ANKRD46: variants seen among roughly 807,000 people sequenced by gnomAD.
The protein encoded by ANKRD46 is ankyrin repeat domain 46.
Under a neutral mutation model 19.8 loss-of-function variants are expected in ANKRD46, and 13 were observed. That is an observed-to-expected ratio of 0.66 (90% CI 0.43 to 1.04). The LOEUF is 1.04. ANKRD46 is among the 50% of genes least tolerant of loss of function. The pLI, the probability that ANKRD46 is intolerant of heterozygous loss-of-function variation, is 0.00. For missense variants in ANKRD46, 185 were observed against 274.8 expected, an observed-to-expected ratio of 0.67 and a Z score of 2.31; for synonymous variants, 91 against 106.9, an observed-to-expected ratio of 0.85 and a Z score of 0.92.
intron 5 of ANKRD46, among the ~76,000 whole-genome samples, chr8:100,514,899 C>T (rs1811604164): frequency 6.6e-6 from 1 of 152,138 alleles, no homozygotes; most frequent in African/African-American, 2.4e-5. Flanking sequence ...CTTGGCCTCC[C>T]AAAGTGCTGG....
At chr8:100,551,236 G>T in intron 1 of ANKRD46, 1 of 466,704 alleles carries the variant, frequency 2.1e-6, no homozygotes, top group Non-Finnish European at 4.0e-6. Context: ...GATGGGCTTG[G>T]CCGGGGGATT....
Position 100,527,789 on chromosome 8 carries a change from C to T in ANKRD46, c.470+56G>A, listed in dbSNP as rs1811870658. 6.5e-7 allele frequency: 1 copy of T among 1,529,458 alleles called. No homozygotes were observed. The highest frequency in any genetic ancestry group is 8.8e-7 in the Non-Finnish European group (1 of 1,134,996). 94.7% of individuals were successfully genotyped at this position (1,529,458 alleles called of 1,614,324 possible). On this transcript the variant is annotated intron_variant, in intron 4 of 4. Coordinates refer to ENST00000335659, the MANE Select transcript of ANKRD46 (RefSeq NM_001270377.2). This position sits in a 1 kb window ranked among gnomAD's most constrained non-coding sequence, Gnocchi z 4.0. The stretch of plus-strand genomic sequence containing the variant: ...CTGAGGCAGGAAGAATGCTTGAGCC[C>T]AGGAGTTCAAGGAATGAGTAATACA...
intron 5 of ANKRD46, among the ~76,000 whole-genome samples, chr8:100,515,663 G>GC (rs1463474075): frequency 1.3e-5 from 2 of 149,400 alleles, no homozygotes; most frequent in African/African-American, 2.5e-5. Context: ...TGCGGGGGAG[G>GC]GGGGGGGCGG....
At chr8:100,523,194 T>C (rs1026132939) in intron 4 of ANKRD46, among the ~76,000 whole-genome samples, 1 of 151,724 alleles carries the variant, frequency 6.6e-6, no homozygotes, top group Non-Finnish European at 1.5e-5. Context: ...AGCAGAAGTC[T>C]TGAAATAGGT....
rs1586781829 is a variant in ANKRD46, at chr8:100,524,650, A to G, written c.471-1879T>C. On this transcript the variant is annotated intron_variant, in intron 4 of 4. Coordinates refer to ENST00000335659, the MANE Select transcript of ANKRD46 (RefSeq NM_001270377.2). The surrounding 1 kb of genome is among the most constrained non-coding windows in gnomAD (Gnocchi z 4.3). ...GAACTTTGAGAAGGCCTAAAAGAGT[A>G]AAACCACAAATAGATAACACAGTTC... 6.6e-6 allele frequency among the ~76,000 whole-genome samples: 1 copy of G among 152,230 alleles called. No individual in the cohort carries two copies. The highest frequency in any genetic ancestry group is 1.5e-5 in the Non-Finnish European group (1 of 68,032).
rs1811724492 is a variant in ANKRD46, at chr8:100,521,579, A to C, written c.*976T>G. On this transcript the variant is annotated 3_prime_UTR_variant, in exon 5 of 5. Transcript: ENST00000335659. ...ATGCTCCATCCATTCTTGCCATCAG[A>C]GAATTACAGATATGGATGGGATTGT... 1 of 985,342 alleles carries C rather than the reference A, an allele frequency of 1.0e-6. No individual in the cohort carries two copies. The allele number at this position is 985,342 out of a possible 1,614,324, so 61.0% of individuals were successfully genotyped here.
In ANKRD46 at chr8:100,554,224, C is replaced by T. The variant is rs16898579; in HGVS notation, c.-131+5487G>A. On this transcript the variant is annotated intron_variant, in intron 1 of 4. Coordinates refer to ENST00000335659, the MANE Select transcript of ANKRD46 (RefSeq NM_001270377.2). The stretch of plus-strand genomic sequence containing the variant: ...TCTAATAATGTACTGGCAAGTCAGA[C>T]GTTAAATTATTTAAGGTTTCTAAAC... 1.7e-3 allele frequency among the ~76,000 whole-genome samples: 261 copies of T among 152,136 alleles called. 2 individuals carry two copies. Among genetic ancestry groups the T allele is most frequent in the African/African-American group, 5.5e-3 (227 of 41,496 alleles).
intron 1 of ANKRD46, among the ~76,000 whole-genome samples, chr8:100,542,882 AG>A: frequency 6.6e-6 from 1 of 152,236 alleles, no homozygotes; most frequent in East Asian, 1.9e-4. Context: ...CCTTCAGCAG[AG>A]TAATTTCAAG....
In ANKRD46 at chr8:100,550,847, AGAGT is replaced by A. The variant is rs1812372102; in HGVS notation, c.-131+8860_-131+8863del. 1 of 479,444 alleles carries A rather than the reference AGAGT, an allele frequency of 2.1e-6. No homozygotes were observed. Among genetic ancestry groups the A allele is most frequent in the African/African-American group, 2.0e-5 (1 of 50,730 alleles). 29.7% of individuals were successfully genotyped at this position (479,444 alleles called of 1,614,324 possible). On this transcript the variant is annotated intron_variant, in intron 1 of 4. Coordinates refer to ENST00000335659, the MANE Select transcript of ANKRD46 (RefSeq NM_001270377.2). This position sits in a 1 kb window ranked among gnomAD's most constrained non-coding sequence, Gnocchi z 4.4. Reference sequence around the variant, plus strand: ...TGGCAGCCCCAGCATCGAAAGTGGAAGAGTGAGTGTCACTGTTAAAGTCAGAGGA... The same window carrying A: ...TGGCAGCCCCAGCATCGAAAGTGGAAGAGTGTCACTGTTAAAGTCAGAGGA...
At position 100,546,228 on chromosome 8, in the gene ANKRD46, G is replaced by A. The variant is rs569039567; in HGVS notation, c.-130-12917C>T. On this transcript the variant is annotated intron_variant, in intron 1 of 4. Coordinates refer to ENST00000335659, the MANE Select transcript of ANKRD46 (RefSeq NM_001270377.2). The surrounding 1 kb of genome is among the most constrained non-coding windows in gnomAD (Gnocchi z 4.0). ...GGAAAAATTTCCCCAAGGCATGTCA[G>A]AGATCTTCATGGCAGCCCCTCCCAT... Among the ~76,000 whole-genome samples the A allele has an allele frequency of 6.6e-6, 1 of 152,366 alleles. No homozygotes were observed. Among genetic ancestry groups the A allele is most frequent in the Non-Finnish European group, 1.5e-5 (1 of 68,032 alleles).
chr8:100,546,726 A>G lies in ANKRD46; in HGVS notation c.-131+12985T>C, dbSNP rs947973706. Among the ~76,000 whole-genome samples, 2 of 152,236 alleles carry G rather than the reference A, an allele frequency of 1.3e-5. No homozygotes were observed. Among genetic ancestry groups the G allele is most frequent in the Non-Finnish European group, 2.9e-5 (2 of 68,038 alleles). On this transcript the variant is annotated intron_variant, in intron 1 of 4. Coordinates refer to ENST00000335659, the MANE Select transcript of ANKRD46 (RefSeq NM_001270377.2). This position sits in a 1 kb window ranked among gnomAD's most constrained non-coding sequence, Gnocchi z 4.0. ...AGTAGATCCACTGACAGCTTGCACC[A>G]TGCATCTGGAAAAGCCACAAGCATT...
Position 100,510,658 on chromosome 8 carries a change from C to G in ANKRD46, c.637-19G>C. 1 of 1,482,508 alleles carries G rather than the reference C, an allele frequency of 6.7e-7. No homozygotes were observed. The highest frequency in any genetic ancestry group is 1.3e-5 in the South Asian group (1 of 77,318). The allele number at this position is 1,482,508 out of a possible 1,614,324, so 91.8% of individuals were successfully genotyped here. Reference sequence around the variant, plus strand: ...TCCTTCTCTGTAAATGTGGGGAAGACAGATTAAAAAAAAAAAAAAATCCCA... The same window carrying G: ...TCCTTCTCTGTAAATGTGGGGAAGAGAGATTAAAAAAAAAAAAAAATCCCA... On this transcript the variant is annotated intron_variant, in intron 5 of 5. Coordinates refer to the ANKRD46 transcript ENST00000520552. The surrounding 1 kb of genome is among the most constrained non-coding windows in gnomAD (Gnocchi z 4.9).
At position 100,536,765 on chromosome 8, in the gene ANKRD46, A is replaced by G. The variant is rs1279253642; in HGVS notation, c.-130-3454T>C. ...CCCTGGTTCCCAAGGAACAGTGTCC[A>G]TGAGGAACAGTGTCCACTGACTGGT... On this transcript the variant is annotated intron_variant, in intron 1 of 4. Coordinates refer to ENST00000335659, the MANE Select transcript of ANKRD46 (RefSeq NM_001270377.2). This position sits in a 1 kb window ranked among gnomAD's most constrained non-coding sequence, Gnocchi z 4.9. Among the ~76,000 whole-genome samples, 1 of 152,208 alleles carries G rather than the reference A, an allele frequency of 6.6e-6. No homozygotes were observed. The highest frequency in any genetic ancestry group is 1.5e-5 in the Non-Finnish European group (1 of 68,028).
intron 3 of ANKRD46, among the ~76,000 whole-genome samples, chr8:100,528,294 C>T (rs1811884089): frequency 6.6e-6 from 1 of 152,212 alleles, no homozygotes; most frequent in Admixed American, 6.5e-5. Context: ...ACGTCCCCCA[C>T]CTCCAGACCC....
At chr8:100,541,675 T>TA (rs1287757867) in intron 1 of ANKRD46, among the ~76,000 whole-genome samples, 2 of 152,228 alleles carry the variant, frequency 1.3e-5, no homozygotes, top group Non-Finnish European at 2.9e-5. Flanking sequence ...GTAACTTTGT[T>TA]ACTTTACATG....
intron 1 of ANKRD46, chr8:100,551,335 C>T: frequency 1.8e-6 from 1 of 562,126 alleles, no homozygotes; most frequent in Admixed American, 2.1e-5. Context: ...AATATGGGGG[C>T]ATCAGCAGAG....
At chr8:100,514,588 A>G (rs1811597560) in intron 5 of ANKRD46, among the ~76,000 whole-genome samples, 1 of 130,506 alleles carries the variant, frequency 7.7e-6, no homozygotes, top group Non-Finnish European at 1.6e-5. Flanking sequence ...TGATAGTTTT[A>G]TCCTGAGTGT....
chr8:100,557,935 G>A lies in ANKRD46; in HGVS notation c.-131+1776C>T, dbSNP rs1317074982. On this transcript the variant is annotated intron_variant, in intron 1 of 4. Transcript: ENST00000335659. This position sits in a 1 kb window ranked among gnomAD's most constrained non-coding sequence, Gnocchi z 5.9. ...ACTGTTACCATCTGACTCCAGATAC[G>A]TTAACTTTCACAAATCCCGCTTATC... Among the ~76,000 whole-genome samples the A allele has an allele frequency of 6.6e-6, 1 of 151,976 alleles. No homozygotes were observed. Among genetic ancestry groups the A allele is most frequent in the African/African-American group, 2.4e-5 (1 of 41,368 alleles).
At chr8:100,515,308 C>A (rs146323660) in intron 5 of ANKRD46, among the ~76,000 whole-genome samples, 1 of 152,142 alleles carries the variant, frequency 6.6e-6, no homozygotes, top group Non-Finnish European at 1.5e-5. Context: ...CTTGAAACCC[C>A]GGGGCCTGTT....
Sources: allele counts gnomAD v4.1 joint callset (sites outside exome capture counted in the v4.1 genomes callset), GRCh38; gene constraint gnomAD v4.1.1; non-coding constraint Gnocchi (gnomAD v3.1); transcripts MANE v1.5; gene names NCBI Gene and HGNC (gene_info 2026-07-23, HGNC 2026-07-21).